EPHB2: variants seen among roughly 807,000 people sequenced by gnomAD.
The protein encoded by EPHB2 is ephrin type-B receptor 2.
EPHB2 carries 18 observed loss-of-function variants against 96.4 expected under a neutral mutation model. The observed-to-expected ratio is 0.19, with a 90% confidence interval of 0.13 to 0.28. EPHB2 has a LOEUF of 0.28. Among genes scored for constraint, EPHB2 ranks in the 10% least tolerant of loss-of-function variants. The pLI, the probability that EPHB2 is intolerant of heterozygous loss-of-function variation, is 1.00. For missense variants in EPHB2, 989 were observed against 1,355.4 expected (o/e 0.73, Z 4.25); for synonymous variants, 506 against 534.1 (o/e 0.95, Z 0.72).
chr1:22,718,379 C>CTTTTTTTTTTTTTTTTTTTTTTTTTTT (rs5773014), intron 1 of EPHB2, among the ~76,000 whole-genome samples: 1 of 81,466 alleles, frequency 1.2e-5, no homozygotes, highest in Non-Finnish European at 2.4e-5. Flanking sequence ...GCTGTCAATT[C>CTTTTTTTTTTTTTTTTTTTTTTTTTTT]TTTTTTTTTT....
In EPHB2 at chr1:22,807,693, G is replaced by T. The variant is rs976010924; in HGVS notation, c.811+22617G>T. The stretch of plus-strand genomic sequence containing the variant: ...TGGCAGTGCCCTACAATGGTGGAGG[G>T]CTCTACAGAATTCCCGGACAGCACA... On this transcript the variant is annotated intron_variant, in intron 3 of 15. Transcript: ENST00000374630. Among the ~76,000 whole-genome samples the T allele has an allele frequency of 2.0e-5, 3 of 152,190 alleles. No individual in the cohort carries two copies. In the South Asian group the frequency reaches 6.2e-4, roughly 32 times the overall value.
intron 15 of EPHB2, chr1:22,912,851 G>C: frequency 1.9e-6 from 1 of 523,656 alleles, no homozygotes. Context: ...TACAAACTGG[G>C]GGTTGGTAGG....
chr1:22,884,924 T>G (rs565868083), intron 6 of EPHB2, among the ~76,000 whole-genome samples: 1 of 152,318 alleles, frequency 6.6e-6, no homozygotes, highest in East Asian at 1.9e-4. Flanking sequence ...TACCTCTACA[T>G]TGAGCTAGAA....
chr1:22,912,347 C>T (rs531715344), intron 14 of EPHB2, 97 bp from the exon 15 acceptor site: 20 of 1,531,350 alleles, frequency 1.3e-5, no homozygotes, highest in East Asian at 1.1e-4. Flanking sequence ...TGGATGCACA[C>T]GTGCACATTC....
At chr1:22,812,800 G>A (rs568946877) in intron 3 of EPHB2, among the ~76,000 whole-genome samples, 1 of 152,232 alleles carries the variant, frequency 6.6e-6, no homozygotes, top group Non-Finnish European at 1.5e-5. Context: ...TGGGAGTCGA[G>A]CATTGCCGTC....
intron 6 of EPHB2, chr1:22,882,912 C>G (rs1639098058): frequency 1.9e-5 from 5 of 268,190 alleles, no homozygotes; most frequent in Admixed American, 1.5e-4. Context: ...CTGCCCTGCT[C>G]TGAGTCCTGC....
intron 3 of EPHB2, among the ~76,000 whole-genome samples, chr1:22,810,180 C>T (rs1464699694): frequency 6.6e-6 from 1 of 152,088 alleles, no homozygotes; most frequent in African/African-American, 2.4e-5. Context: ...GTGCGGGAGA[C>T]CTGGGCACCA....
intron 3 of EPHB2, among the ~76,000 whole-genome samples, chr1:22,859,861 ACAAT>A (rs1281339470): frequency 1.3e-5 from 2 of 152,188 alleles, no homozygotes; most frequent in African/African-American, 2.4e-5. Flanking sequence ...AACCATCACC[ACAAT>A]CAATTTTAGA....
chr1:22,753,754 TC>T (rs1350296929), intron 1 of EPHB2, among the ~76,000 whole-genome samples: 1 of 152,132 alleles, frequency 6.6e-6, no homozygotes, highest in Non-Finnish European at 1.5e-5. Context: ...TCTTTGGACA[TC>T]CTTTCACTTT....
At chr1:22,727,811 C>CTT (rs34446692) in intron 1 of EPHB2, among the ~76,000 whole-genome samples, 43 of 135,810 alleles carry the variant, frequency 3.2e-4, no homozygotes, top group East Asian at 2.5e-3. Context: ...AAAAAAAAAA[C>CTT]TTTTTTTTTT....
At chr1:22,835,044 A>C (rs1465560291) in intron 3 of EPHB2, among the ~76,000 whole-genome samples, 1 of 152,234 alleles carries the variant, frequency 6.6e-6, no homozygotes, top group Non-Finnish European at 1.5e-5. Context: ...GAGAATGATA[A>C]GAAAAGGAAA....
rs144947458 is a variant in EPHB2 at position 22,743,572 on chromosome 1, G to T, written c.61+32529G>T. Among the ~76,000 whole-genome samples the T allele has an allele frequency of 7.3e-4, 111 of 152,286 alleles. 1 individual carries two copies. Among genetic ancestry groups the T allele is most frequent in the African/African-American group, 2.6e-3 (110 of 41,556 alleles). ...TGCAACCTCCACCTCCCAAGTTCAAGTGATTCTCGTGCCTCAGCCTCCCCA... is the reference window on the plus strand; with the variant it reads ...TGCAACCTCCACCTCCCAAGTTCAATTGATTCTCGTGCCTCAGCCTCCCCA... On this transcript the variant is annotated intron_variant, in intron 1 of 15. Transcript: ENST00000374630.
chr1:22,815,016 C>T (rs1455474082), intron 3 of EPHB2, among the ~76,000 whole-genome samples: 3 of 152,210 alleles, frequency 2.0e-5, no homozygotes, highest in East Asian at 1.9e-4. Flanking sequence ...GTGCTGGGGC[C>T]GTCACCACGC....
At chr1:22,735,420 C>T (rs1252066359) in intron 1 of EPHB2, among the ~76,000 whole-genome samples, 2 of 145,964 alleles carry the variant, frequency 1.4e-5, no homozygotes, top group Non-Finnish European at 3.0e-5. Flanking sequence ...GCCTAAACAA[C>T]AGAGTGAGAC....
rs560082897 is a variant in EPHB2, at chr1:22,879,226, G to A, written c.1304-3133G>A. ...CACCTCCACCACACACACAGACCCA[G>A]TGGTCAGCCCCTGTGGGTTGGATGA... On this transcript the variant is annotated intron_variant, in intron 5 of 15. Transcript: ENST00000374630. Among the ~76,000 whole-genome samples, 932 of 151,910 alleles carry A rather than the reference G, an allele frequency of 6.1e-3. 4 individuals carry two copies. Among genetic ancestry groups the A allele is most frequent in the African/African-American group, 0.02 (848 of 41,440 alleles).
intron 3 of EPHB2, among the ~76,000 whole-genome samples, chr1:22,820,377 A>G (rs534209704): frequency 1.3e-5 from 2 of 152,284 alleles, no homozygotes; most frequent in East Asian, 1.9e-4. Context: ...AATAGCAGCT[A>G]TTGCTGAGCG....
chr1:22,818,922 C>T (rs554982866), intron 3 of EPHB2, among the ~76,000 whole-genome samples: 9 of 152,046 alleles, frequency 5.9e-5, no homozygotes, highest in Admixed American at 3.9e-4. Flanking sequence ...ACAGAGTCCC[C>T]GCCCCCAGGC....
intron 11 of EPHB2, 128 bp downstream of exon 11, chr1:22,907,085 G>C: frequency 1.5e-6 from 2 of 1,307,208 alleles, no homozygotes; most frequent in South Asian, 3.2e-5. Context: ...CTTGCAGGCT[G>C]TCACTTTCCA....
At chr1:22,764,383 T>C (rs772089317) in intron 1 of EPHB2, among the ~76,000 whole-genome samples, 97 of 152,214 alleles carry the variant, frequency 6.4e-4, no homozygotes, top group Admixed American at 6.5e-4. Context: ...ATCTTGTTCC[T>C]ATCCCACAGC....
Sources: allele counts gnomAD v4.1 joint callset (sites outside exome capture counted in the v4.1 genomes callset), GRCh38; gene constraint gnomAD v4.1.1; transcripts MANE v1.5; gene names NCBI Gene and HGNC (gene_info 2026-07-23, HGNC 2026-07-21).